The following TENM4 variants were observed in gnomAD, a reference collection of about 807,000 sequenced individuals.
TENM4 encodes teneurin transmembrane protein 4, also known as teneurin-4.
A neutral mutation model predicts 243.3 loss-of-function variants in TENM4; 82 were observed. That is an observed-to-expected ratio of 0.34 (90% confidence interval 0.28 to 0.40). The LOEUF (loss-of-function observed/expected upper bound fraction) is 0.40, where lower values mean the gene tolerates loss of function less well. Among genes scored for constraint, TENM4 ranks in the 10% least tolerant of loss-of-function variants. TENM4 has a pLI of 1.00. For synonymous variants in TENM4, 1,412 were observed against 1,456.3 expected, an observed-to-expected ratio of 0.97 and a Z score of 0.69; for missense variants, 3,138 against 3,673.3, an observed-to-expected ratio of 0.85 and a Z score of 3.77.
intron 29 of TENM4, among the ~76,000 whole-genome samples, chr11:78,676,867 A>G (rs1858490894): frequency 6.6e-6 from 1 of 152,232 alleles, no homozygotes; most frequent in Admixed American, 6.5e-5. Flanking sequence ...ACATTATTCT[A>G]AGTGAAAAAG....
intron 1 of TENM4, among the ~76,000 whole-genome samples, chr11:79,401,844 G>A (rs1300802032): frequency 1.3e-5 from 2 of 152,192 alleles, no homozygotes; most frequent in Non-Finnish European, 2.9e-5. Flanking sequence ...GGTTGAGTTG[G>A]CAGTGCTGTG....
intron 1 of TENM4, among the ~76,000 whole-genome samples, chr11:79,428,007 G>A (rs1013880165): frequency 2.0e-5 from 3 of 152,200 alleles, no homozygotes; most frequent in Non-Finnish European, 4.4e-5. Context: ...GTCTGCATCT[G>A]ATGCTCCTGG....
intron 1 of TENM4, among the ~76,000 whole-genome samples, chr11:79,414,701 A>G (rs1225760598): frequency 2.0e-5 from 3 of 152,220 alleles, no homozygotes; most frequent in African/African-American, 7.2e-5. Context: ...TTTTTTTAAA[A>G]CAGTAATTCC....
intron 1 of TENM4, among the ~76,000 whole-genome samples, chr11:79,316,581 T>A (rs369257394): frequency 7.9e-5 from 12 of 152,336 alleles, no homozygotes; most frequent in African/African-American, 2.9e-4. Context: ...TTTGTAACAA[T>A]TTACATCACC....
intron 25 of TENM4, among the ~76,000 whole-genome samples, chr11:78,716,620 T>C (rs1180640282): frequency 2.6e-5 from 4 of 152,236 alleles, no homozygotes; most frequent in African/African-American, 9.6e-5. Flanking sequence ...CAGAATGGCC[T>C]GGAGAGATTT....
intron 2 of TENM4, among the ~76,000 whole-genome samples, chr11:79,292,999 C>T (rs1305768819): frequency 6.6e-6 from 1 of 152,190 alleles, no homozygotes; most frequent in Non-Finnish European, 1.5e-5. Context: ...TCAGAAACCT[C>T]ACAGTCCAAT....
At chr11:79,252,313 C>T (rs1339179163) in intron 2 of TENM4, among the ~76,000 whole-genome samples, 1 of 152,248 alleles carries the variant, frequency 6.6e-6, no homozygotes, top group Non-Finnish European at 1.5e-5. Context: ...TGGCTCACTG[C>T]AAGCTCTGCC....
intron 6 of TENM4, among the ~76,000 whole-genome samples, chr11:78,978,794 A>G (rs182148541): frequency 6.6e-6 from 1 of 152,332 alleles, no homozygotes; most frequent in East Asian, 1.9e-4. Context: ...CACCATTCAA[A>G]GCTCAGAAGT....
chr11:78,987,520 C>T (rs544997801), intron 6 of TENM4, among the ~76,000 whole-genome samples: 10 of 152,176 alleles, frequency 6.6e-5, no homozygotes, highest in South Asian at 4.1e-4. Context: ...GAATCTTATA[C>T]GTTTGCTAAA....
At chr11:79,099,065 C>A (rs60995447) in intron 4 of TENM4, among the ~76,000 whole-genome samples, 5 of 152,138 alleles carry the variant, frequency 3.3e-5, no homozygotes, top group Non-Finnish European at 7.3e-5. Context: ...ACCTGACTTA[C>A]GGTAACTCAC....
intron 4 of TENM4, among the ~76,000 whole-genome samples, chr11:79,134,152 C>T (rs1862064347): frequency 6.6e-6 from 1 of 152,106 alleles, no homozygotes; most frequent in Non-Finnish European, 1.5e-5. Flanking sequence ...AGCAAAGTTT[C>T]CAGATAGAAG....
At chr11:79,380,322 GAA>G (rs1364429671) in intron 1 of TENM4, among the ~76,000 whole-genome samples, 1 of 151,240 alleles carries the variant, frequency 6.6e-6, no homozygotes. Context: ...AAAAAAAAAA[GAA>G]GAGAGGAAGA....
In TENM4 at chr11:79,382,670, A is replaced by G. The variant is rs117942491; in HGVS notation, c.-321+57839T>C. On this transcript the variant is annotated intron_variant, in intron 1 of 33. Transcript: ENST00000278550. Reference sequence around the variant, plus strand: ...GAAGCAGGGAGAAGGGATGGAGGGTAGGGAGGGGGAGGAGGACACTGGGGA... The same window carrying G: ...GAAGCAGGGAGAAGGGATGGAGGGTGGGGAGGGGGAGGAGGACACTGGGGA... Among the ~76,000 whole-genome samples the G allele has an allele frequency of 3.4e-4, 51 of 151,074 alleles. No individual in the cohort carries two copies. The East Asian group carries it at 0.01, about 31-fold the overall frequency.
At chr11:78,978,977 G>T (rs1245886402) in intron 6 of TENM4, among the ~76,000 whole-genome samples, 3 of 152,144 alleles carry the variant, frequency 2.0e-5, no homozygotes, top group African/African-American at 7.2e-5. Context: ...GTGCACATGG[G>T]CTGCATGTGC....
intron 28 of TENM4, among the ~76,000 whole-genome samples, chr11:78,693,273 C>T (rs1045848193): frequency 6.6e-6 from 1 of 152,178 alleles, no homozygotes; most frequent in Non-Finnish European, 1.5e-5. Flanking sequence ...TCATCATCTT[C>T]TGATGTAGGC....
At chr11:79,079,016 T>A (rs1860598581) in intron 4 of TENM4, among the ~76,000 whole-genome samples, 1 of 152,244 alleles carries the variant, frequency 6.6e-6, no homozygotes, top group South Asian at 2.1e-4. Flanking sequence ...CATTATTAAT[T>A]CTTCTGTTGA....
chr11:78,911,417 C>T (rs544064835), intron 6 of TENM4, among the ~76,000 whole-genome samples: 40 of 152,340 alleles, frequency 2.6e-4, no homozygotes, highest in African/African-American at 9.4e-4. Flanking sequence ...GACTGCATCA[C>T]CTGGGCTCCC....
At chr11:79,066,995 G>A (rs1409870801) in intron 5 of TENM4, among the ~76,000 whole-genome samples, 1 of 152,216 alleles carries the variant, frequency 6.6e-6, no homozygotes, top group East Asian at 1.9e-4. Context: ...TAAATAACTT[G>A]TGCCAAGCCA....
intron 3 of TENM4, among the ~76,000 whole-genome samples, chr11:79,181,161 T>A (rs1863275291): frequency 6.6e-6 from 1 of 152,020 alleles, no homozygotes; most frequent in African/African-American, 2.4e-5. Context: ...CAGGCCACTA[T>A]CTCTCAGGAG....
Sources: allele counts gnomAD v4.1 joint callset (sites outside exome capture counted in the v4.1 genomes callset), GRCh38; gene constraint gnomAD v4.1.1; transcripts MANE v1.5; gene names NCBI Gene and HGNC (gene_info 2026-07-23, HGNC 2026-07-21).